ADCYAP1R1: variants seen among roughly 807,000 people sequenced by gnomAD.
ADCYAP1R1 encodes pituitary adenylate cyclase-activating polypeptide type I receptor.
In ADCYAP1R1, 44 loss-of-function variants were observed where a neutral mutation model predicts 67.6. That is an observed-to-expected ratio of 0.65 (90% confidence interval 0.51 to 0.84). The LOEUF (loss-of-function observed/expected upper bound fraction) is 0.84. Ranked by LOEUF, ADCYAP1R1 falls within the 40% of genes least tolerant of loss-of-function variation. The pLI is 0.00. For missense variants in ADCYAP1R1, 477 were observed against 587.9 expected (o/e 0.81, Z 1.95); for synonymous variants, 222 against 219.6 (o/e 1.01, Z -0.10).
intron 13 of ADCYAP1R1, among the ~76,000 whole-genome samples, chr7:31,094,175 T>C (rs766599595): frequency 1.5e-4 from 23 of 152,228 alleles, no homozygotes; most frequent in Non-Finnish European, 1.8e-4. Flanking sequence ...TGCAAGTTTT[T>C]ACCAATTCTT....
intron 12 of ADCYAP1R1, 61 bp downstream of exon 12, chr7:31,087,757 G>T (rs371963522): frequency 2.2e-4 from 311 of 1,412,318 alleles, no homozygotes; most frequent in Non-Finnish European, 2.6e-4. Flanking sequence ...AAAGGCACGC[G>T]AGGAAGAGAA....
intron 15 of ADCYAP1R1, among the ~76,000 whole-genome samples, 160 bp downstream of exon 15, chr7:31,105,069 T>A (rs1055039881): frequency 6.6e-6 from 1 of 152,172 alleles, no homozygotes; most frequent in Non-Finnish European, 1.5e-5. Context: ...CTCCTGGCAT[T>A]GTGTGGTGCC....
At chr7:31,081,844 G>T in intron 6 of ADCYAP1R1, 90 bp downstream of exon 6, 2 of 1,063,358 alleles carry the variant, frequency 1.9e-6, no homozygotes, top group Non-Finnish European at 1.4e-6. Flanking sequence ...CCCAGGCTGG[G>T]CTCTGCTCCT....
intron 1 of ADCYAP1R1, among the ~76,000 whole-genome samples, 153 bp downstream of exon 1, chr7:31,052,831 G>T (rs1666803440): frequency 6.6e-6 from 1 of 152,166 alleles, no homozygotes; most frequent in Admixed American, 6.5e-5. Context: ...GCGAGGGCCG[G>T]CGCCAGGCAA....
intron 1 of ADCYAP1R1, among the ~76,000 whole-genome samples, chr7:31,053,947 G>C (rs947008528): frequency 2.0e-4 from 31 of 152,298 alleles, no homozygotes; most frequent in African/African-American, 7.5e-4. Flanking sequence ...TGAGCCTTTG[G>C]GGGCAGGGGC....
In ADCYAP1R1 at chr7:31,109,515, A is replaced by C. The variant is rs1796774893; in HGVS notation, c.*2831A>C. 1 of 152,214 alleles carries C rather than the reference A, an allele frequency of 6.6e-6. No homozygotes were observed. The highest frequency in any genetic ancestry group is 2.4e-5 in the African/African-American group (1 of 41,440). The allele number at this position is 152,214 out of a possible 1,614,324, so 9.4% of individuals were successfully genotyped here. ...AATCCTGTCATGTGAAGACAGCTTG[A>C]GAGGCTTGAGAAAAGTGGGGCTGGG... On this transcript the variant is annotated 3_prime_UTR_variant, in exon 16 of 16. Transcript: ENST00000304166.
At chr7:31,091,663 A>G (rs1040255521) in intron 12 of ADCYAP1R1, among the ~76,000 whole-genome samples, 3 of 152,146 alleles carry the variant, frequency 2.0e-5, no homozygotes, top group Non-Finnish European at 2.9e-5. Flanking sequence ...CATTTACTGA[A>G]TAGGGAGTCC....
At chr7:31,083,054 G>A (rs1465817828) in intron 6 of ADCYAP1R1, among the ~76,000 whole-genome samples, 2 of 152,282 alleles carry the variant, frequency 1.3e-5, no homozygotes, top group Non-Finnish European at 2.9e-5. Flanking sequence ...CAGAGGGGAG[G>A]TTTCTGTCCA....
At chr7:31,075,074 C>G (rs1326223023) in intron 3 of ADCYAP1R1, among the ~76,000 whole-genome samples, 2 of 152,196 alleles carry the variant, frequency 1.3e-5, no homozygotes, top group Non-Finnish European at 2.9e-5. Context: ...GGCGCCTGCT[C>G]CAGGCCCCTC....
intron 6 of ADCYAP1R1, among the ~76,000 whole-genome samples, chr7:31,082,243 G>C (rs1584511621): frequency 6.6e-6 from 1 of 152,328 alleles, no homozygotes; most frequent in South Asian, 2.1e-4. Context: ...CTGCCCAAAA[G>C]TTTCGTGTTC....
chr7:31,090,771 A>G (rs1306519165), intron 12 of ADCYAP1R1, among the ~76,000 whole-genome samples: 1 of 152,200 alleles, frequency 6.6e-6, no homozygotes, highest in Non-Finnish European at 1.5e-5. Flanking sequence ...ATGGCTGTGT[A>G]GTAGTCCATG....
chr7:31,077,805 TGTGTG>T (rs1795335202), intron 3 of ADCYAP1R1, among the ~76,000 whole-genome samples, 181 bp from the exon 4 acceptor site: 1 of 147,558 alleles, frequency 6.8e-6, no homozygotes, highest in African/African-American at 2.6e-5. Flanking sequence ...CGGTGTCTGT[TGTGTG>T]GTGTGTGTGT....
chr7:31,056,682 G>A (rs889617543), intron 1 of ADCYAP1R1, among the ~76,000 whole-genome samples: 2 of 152,040 alleles, frequency 1.3e-5, no homozygotes, highest in African/African-American at 4.8e-5. Context: ...GTACATTTCT[G>A]CCTGCACTTT....
intron 3 of ADCYAP1R1, among the ~76,000 whole-genome samples, chr7:31,066,271 T>A (rs1794733514): frequency 1.3e-5 from 2 of 152,160 alleles, no homozygotes; most frequent in African/African-American, 4.8e-5. Flanking sequence ...GTTCCTGCAT[T>A]GCGTGTCTCA....
chr7:31,075,471 TC>T (rs1795170112), intron 3 of ADCYAP1R1, among the ~76,000 whole-genome samples: 1 of 152,058 alleles, frequency 6.6e-6, no homozygotes, highest in Non-Finnish European at 1.5e-5. Flanking sequence ...CACTCCTGCC[TC>T]CCCACCATCC....
At chr7:31,106,291 T>C (rs1312892090) in intron 15 of ADCYAP1R1, among the ~76,000 whole-genome samples, 1 of 152,176 alleles carries the variant, frequency 6.6e-6, no homozygotes, top group African/African-American at 2.4e-5. Context: ...GAAGGGGCTG[T>C]TCCGGTCAGC....
chr7:31,081,750 C>T lies in ADCYAP1R1; in HGVS notation c.324C>T (p.Leu108=), dbSNP rs1345398044. ...SDFGDSNSLD[L]SDMGVVSRNC... is the part of the protein sequence containing the mutation. ...TTGGTGACAGTAACTCCTTAGATCT[C>T]TCAGGTAAGGGGTTAGGCTGGGGTT... Residue 108 remains leucine, a synonymous_variant, in exon 6 of 16, where the codon CTC becomes CTT. Coordinates refer to ENST00000304166, the MANE Select transcript of ADCYAP1R1 (RefSeq NM_001118.5). 2 of 1,596,040 alleles carry T rather than the reference C, an allele frequency of 1.3e-6. No homozygotes were observed. The highest frequency in any genetic ancestry group is 1.7e-6 in the Non-Finnish European group (2 of 1,171,346).
chr7:31,075,336 C>T (rs777915004), intron 3 of ADCYAP1R1, among the ~76,000 whole-genome samples: 21 of 152,284 alleles, frequency 1.4e-4, no homozygotes, highest in South Asian at 8.3e-4. Flanking sequence ...CCCTGTGAGG[C>T]GGGCACTGTC....
At chr7:31,067,835 A>G (rs1283615449) in intron 3 of ADCYAP1R1, among the ~76,000 whole-genome samples, 1 of 152,220 alleles carries the variant, frequency 6.6e-6, no homozygotes, top group Non-Finnish European at 1.5e-5. Flanking sequence ...AGGACAGCGT[A>G]TGGGATTTAC....
Sources: gnomAD v4.1 joint callset for allele counts (sites outside exome capture counted in the v4.1 genomes callset) on GRCh38, gnomAD v4.1.1 for gene constraint, MANE v1.5 for transcripts, NCBI Gene and HGNC (gene_info 2026-07-23, HGNC 2026-07-21) for gene names.